The following TMTC1 variants were observed in gnomAD, a reference collection of about 807,000 sequenced individuals.
TMTC1 encodes the protein protein O-mannosyl-transferase TMTC1.
A neutral mutation model predicts 104.8 loss-of-function variants in TMTC1; 73 were observed. The ratio of observed to expected loss-of-function variants is 0.70; its 90% CI spans 0.58 to 0.85. The LOEUF is 0.85. Ranked by LOEUF, TMTC1 falls within the 40% of genes least tolerant of loss-of-function variation. The probability of loss-of-function intolerance (pLI) is 0.00; values close to 1 mark genes in which losing one functional copy is unlikely to be tolerated. For synonymous variants in TMTC1, 434 were observed against 428.7 expected (o/e 1.01, Z -0.15); for missense variants, 1,035 against 1,096.1 (o/e 0.94, Z 0.79).
At chr12:29,652,372 C>G (rs1313283373) in intron 5 of TMTC1, among the ~76,000 whole-genome samples, 1 of 152,180 alleles carries the variant, frequency 6.6e-6, no homozygotes, top group African/African-American at 2.4e-5. Context: ...GCATTTCAAG[C>G]CTATCACTGC....
chr12:29,562,217 C>G (rs1046276746), intron 9 of TMTC1, among the ~76,000 whole-genome samples: 1 of 152,150 alleles, frequency 6.6e-6, no homozygotes, highest in Admixed American at 6.5e-5. Flanking sequence ...CATCTTGCAC[C>G]GTACTCCTTC....
chr12:29,586,786 C>T (rs1946147234), intron 7 of TMTC1, among the ~76,000 whole-genome samples: 1 of 148,782 alleles, frequency 6.7e-6, no homozygotes, highest in South Asian at 2.1e-4. Context: ...GAATGAAGCC[C>T]ACTTGATCAT....
Position 29,573,696 on chromosome 12 carries a change from T to C in TMTC1, c.1419-1478A>G, listed in dbSNP as rs1362764557. 4.6e-5 allele frequency among the ~76,000 whole-genome samples: 7 copies of C among 152,112 alleles called. No homozygotes were observed. The South Asian group carries it at 1.5e-3, about 32-fold the overall frequency. ...TGGAGGAAGAGGCAGCAGGAGGTCCTATGCAGAGGACCCCAAGAAAACAGA... is the reference window on the plus strand; with the variant it reads ...TGGAGGAAGAGGCAGCAGGAGGTCCCATGCAGAGGACCCCAAGAAAACAGA... On this transcript the variant is annotated intron_variant, in intron 8 of 17. Transcript: ENST00000539277.
chr12:29,765,720 C>T (rs1308021309), intron 2 of TMTC1, among the ~76,000 whole-genome samples: 1 of 152,080 alleles, frequency 6.6e-6, no homozygotes, highest in Non-Finnish European at 1.5e-5. Flanking sequence ...GATTTATTTT[C>T]AGTAAGTTCA....
chr12:29,661,419 A>ATTTTTTTTTT, intron 5 of TMTC1: 1 of 370,848 alleles, frequency 2.7e-6, no homozygotes, highest in Non-Finnish European at 3.5e-6. Context: ...AGGTTAAGTA[A>ATTTTTTTTTT]TTTTTTTTTT....
At chr12:29,752,684 T>C (rs948353290) in intron 4 of TMTC1, among the ~76,000 whole-genome samples, 38 of 151,668 alleles carry the variant, frequency 2.5e-4, no homozygotes, top group African/African-American at 9.2e-4. Flanking sequence ...TACAGCTACA[T>C]ATATCAACAC....
chr12:29,771,305 T>A (rs1352362332), intron 1 of TMTC1, among the ~76,000 whole-genome samples: 1 of 152,040 alleles, frequency 6.6e-6, no homozygotes, highest in African/African-American at 2.4e-5. Flanking sequence ...AAGGCTCACA[T>A]GGGGATATAA....
chr12:29,727,389 T>A (rs1942424437), intron 5 of TMTC1, among the ~76,000 whole-genome samples: 1 of 152,134 alleles, frequency 6.6e-6, no homozygotes, highest in Non-Finnish European at 1.5e-5. Context: ...ATTTATTTAT[T>A]TTTTTGAGAC....
intron 8 of TMTC1, among the ~76,000 whole-genome samples, chr12:29,576,837 T>A (rs1988548): frequency 0.19 from 28,641 of 152,148 alleles, 3,157 homozygotes; most frequent in East Asian, 0.39. Context: ...AATGGATATG[T>A]TAAATTGCTT....
intron 6 of TMTC1, among the ~76,000 whole-genome samples, chr12:29,623,233 G>A (rs1014167405): frequency 2.0e-5 from 3 of 152,320 alleles, no homozygotes; most frequent in Admixed American, 6.5e-5. Flanking sequence ...TGAAGAGCAG[G>A]CTGTGGGGAT....
chr12:29,506,865 C>T lies in TMTC1; in HGVS notation c.2630G>A (p.Arg877Gln), dbSNP rs79931373. 0.012 allele frequency: 19,526 copies of T among 1,614,048 alleles called. 178 individuals are homozygous for T. Among genetic ancestry groups the T allele is most frequent in the Non-Finnish European group, 0.013 (15,418 of 1,179,938 alleles). The change falls in exon 18 of 18, where the codon CGA becomes CAA. Residue 877 changes from arginine (R) to glutamine (Q), a missense_variant. Physicochemically the swap from Arg to Gln is conservative, Grantham distance 43. Transcript: ENST00000539277. ...GTGGTGCTATGTTTGATCCTTTTCT[C>T]GAACTTCTTGTAATCGTTTTTCTAG... ...DRLEKRLQEV[R>Q]EKDQT
chr12:29,706,242 C>T (rs965285923), intron 5 of TMTC1, among the ~76,000 whole-genome samples: 4 of 152,156 alleles, frequency 2.6e-5, no homozygotes, highest in Non-Finnish European at 4.4e-5. Context: ...AGGCTGAATT[C>T]TGACCCAGCT....
intron 5 of TMTC1, among the ~76,000 whole-genome samples, chr12:29,682,962 C>A (rs1940970359): frequency 6.6e-6 from 1 of 152,060 alleles, no homozygotes; most frequent in Admixed American, 6.5e-5. Context: ...TTGGAAGCAA[C>A]TGAACAAAGG....
intron 2 of TMTC1, among the ~76,000 whole-genome samples, chr12:29,766,003 TAG>T (rs1298353003): frequency 1.3e-5 from 2 of 152,174 alleles, no homozygotes; most frequent in African/African-American, 2.4e-5. Context: ...TAGCCATCAT[TAG>T]AGTTACCTGT....
chr12:29,542,345 TC>T (rs1459133593), intron 10 of TMTC1, among the ~76,000 whole-genome samples: 3 of 152,170 alleles, frequency 2.0e-5, no homozygotes, highest in Non-Finnish European at 4.4e-5. Flanking sequence ...CTCTTGGGGA[TC>T]CCTGCATAGG....
chr12:29,783,613 C>T lies in TMTC1; in HGVS notation c.139G>A (p.Gly47Ser), dbSNP rs1285215509. The T allele has an allele frequency of 3.4e-6, 5 of 1,471,342 alleles. No individual in the cohort carries two copies. Among genetic ancestry groups the T allele is most frequent in the Non-Finnish European group, 4.5e-6 (5 of 1,114,606 alleles). The allele number at this position is 1,471,342 out of a possible 1,614,324, so 91.1% of individuals were successfully genotyped here. A position where few individuals can be genotyped will look rare whatever the true frequency, so the allele number is the denominator to read the frequency against. Residue 47 changes from glycine to serine, a missense_variant, in exon 1 of 18, where the codon GGC (glycine) becomes AGC (serine). Gly to Ser is a moderately conservative substitution (Grantham distance 56, BLOSUM62 0). Transcript: ENST00000539277. The surrounding 1 kb of genome is among the most constrained non-coding windows in gnomAD (Gnocchi z 4.7). ...CACACGTCGTCGTGCACGAACTCGC[C>T]CTGCAGGGAGCGGCCGTAGCACAGG... ...SCLCYGRSLQ[G>S]EFVHDDVWAI...
chr12:29,783,493 TGTTCTCG>T lies in TMTC1; in HGVS notation c.252_258del (p.Glu85ProfsTer16), dbSNP rs1264719388. ...AGCGGCCGGTAGGACTTGTGGCTGGTGTTCTCGGCCATGCCCTTGCCCCAGAAGTCGT... is the reference window on the plus strand; with the variant it reads ...AGCGGCCGGTAGGACTTGTGGCTGGTGCCATGCCCTTGCCCCAGAAGTCGT... On this transcript the variant is annotated frameshift_variant, in exon 1 of 18. Transcript: ENST00000539277. LOFTEE classifies it high-confidence loss of function. This position sits in a 1 kb window ranked among gnomAD's most constrained non-coding sequence, Gnocchi z 4.7. 3 of 1,386,262 alleles carry T rather than the reference TGTTCTCG, an allele frequency of 2.2e-6. No homozygotes were observed. In the African/African-American group the frequency reaches 4.4e-5, roughly 21 times the overall value. 85.9% of individuals were successfully genotyped at this position (1,386,262 alleles called of 1,614,324 possible).
intron 5 of TMTC1, among the ~76,000 whole-genome samples, chr12:29,669,882 A>C (rs1231521567): frequency 6.6e-6 from 1 of 152,326 alleles, no homozygotes; most frequent in East Asian, 1.9e-4. Flanking sequence ...GGCAGAACAG[A>C]GAGAACTGGC....
intron 13 of TMTC1, 147 bp from the exon 14 acceptor site, chr12:29,517,718 C>G: frequency 1.1e-6 from 1 of 938,394 alleles, no homozygotes. Flanking sequence ...AGGTTTTTGG[C>G]TTTTTCTTTT....
Sources: gnomAD v4.1 joint callset for allele counts (sites outside exome capture counted in the v4.1 genomes callset) on GRCh38, gnomAD v4.1.1 for gene constraint, Gnocchi (gnomAD v3.1) non-coding constraint, MANE v1.5 for transcripts, NCBI Gene and HGNC (gene_info 2026-07-23, HGNC 2026-07-21) for gene names.